Variants in CDK14 observed in about 807,000 individuals in gnomAD.
CDK14 encodes cyclin dependent kinase 14.
In CDK14, 34 loss-of-function variants were observed where a neutral mutation model predicts 60.7. The ratio of observed to expected loss-of-function variants is 0.56; its 90% confidence interval spans 0.43 to 0.75. CDK14 has a LOEUF of 0.75. CDK14 is among the 30% of genes least tolerant of loss of function. The probability of loss-of-function intolerance (pLI) is 0.00; values close to 1 mark genes in which losing one functional copy is unlikely to be tolerated. For missense variants in CDK14, 482 were observed against 564.1 expected, an observed-to-expected ratio of 0.85 and a Z score of 1.47; for synonymous variants, 197 against 203.7, an observed-to-expected ratio of 0.97 and a Z score of 0.28.
At chr7:91,037,988 G>C (rs542863574) in intron 10 of CDK14, among the ~76,000 whole-genome samples, 1 of 152,304 alleles carries the variant, frequency 6.6e-6, no homozygotes, top group East Asian at 1.9e-4. Context: ...CTGGGGTCCT[G>C]CACTGTGCAT....
intron 2 of CDK14, among the ~76,000 whole-genome samples, chr7:90,683,901 T>C (rs758151958): frequency 1.1e-3 from 128 of 120,346 alleles, no homozygotes; most frequent in Non-Finnish European, 1.7e-3. Context: ...AATGTACGTG[T>C]GTGTGTGTGT....
intron 10 of CDK14, among the ~76,000 whole-genome samples, chr7:91,037,707 G>A (rs999723976): frequency 7.9e-5 from 12 of 152,130 alleles, no homozygotes; most frequent in African/African-American, 2.7e-4. Flanking sequence ...ACCTGATATT[G>A]CACACATGAT....
intron 10 of CDK14, among the ~76,000 whole-genome samples, chr7:91,039,369 A>C (rs1797022520): frequency 6.6e-6 from 1 of 152,192 alleles, no homozygotes; most frequent in Non-Finnish European, 1.5e-5. Flanking sequence ...GTCATCACTC[A>C]GTACATTTCT....
intron 9 of CDK14, among the ~76,000 whole-genome samples, chr7:90,983,445 C>T (rs192864141): frequency 3.9e-4 from 60 of 152,078 alleles, no homozygotes; most frequent in Admixed American, 2.6e-3. Context: ...TTTGGGAGGC[C>T]GAGACGGGCG....
chr7:91,194,914 A>C (rs1446204198), intron 14 of CDK14, among the ~76,000 whole-genome samples: 2 of 152,178 alleles, frequency 1.3e-5, no homozygotes, highest in African/African-American at 4.8e-5. Context: ...CCACAAATGA[A>C]CAGTAAAAAA....
At chr7:90,744,579 A>AG (rs1803499861) in intron 3 of CDK14, among the ~76,000 whole-genome samples, 1 of 147,548 alleles carries the variant, frequency 6.8e-6, no homozygotes, top group African/African-American at 2.5e-5. Context: ...ACTTCCCAGT[A>AG]GGGGCGGCCG....
chr7:90,843,886 G>A (rs1438254642), intron 5 of CDK14, among the ~76,000 whole-genome samples: 3 of 152,078 alleles, frequency 2.0e-5, no homozygotes, highest in East Asian at 1.9e-4. Flanking sequence ...ATAATGTAAT[G>A]TAATTTTTAC....
At position 91,112,496 on chromosome 7, in the gene CDK14, G is replaced by T. The variant is rs756174168; in HGVS notation, c.1155-46G>T. The T allele has an allele frequency of 2.8e-5, 44 of 1,570,134 alleles. 1 individual carries two copies. In the South Asian group the frequency reaches 5.0e-4, roughly 18 times the overall value. On this transcript the variant is annotated intron_variant, in intron 12 of 14. Transcript: ENST00000380050. Reference sequence around the variant, plus strand: ...GGTAAGCTTTATGTCTTATTTAGTGGATTTTCTTGTTTGGTCTGACCTCTC... The same window carrying T: ...GGTAAGCTTTATGTCTTATTTAGTGTATTTTCTTGTTTGGTCTGACCTCTC...
At position 90,728,642 on chromosome 7, in the gene CDK14, C is replaced by T. The variant is rs1411137016; in HGVS notation, c.369+1830C>T. On this transcript the variant is annotated intron_variant, in intron 3 of 14. Transcript: ENST00000380050. ...TATTCTCTGAATTATTTCTGGATTTCCTTTGAGTTTCTTGTTTCTGTTTAT... is the reference window on the plus strand; with the variant it reads ...TATTCTCTGAATTATTTCTGGATTTTCTTTGAGTTTCTTGTTTCTGTTTAT... Among the ~76,000 whole-genome samples the T allele has an allele frequency of 3.3e-5, 5 of 151,862 alleles. No homozygotes were observed. The East Asian group carries it at 9.7e-4, about 29-fold the overall frequency.
chr7:91,061,731 A>C (rs1797797981), intron 11 of CDK14, among the ~76,000 whole-genome samples: 1 of 152,194 alleles, frequency 6.6e-6, no homozygotes. Flanking sequence ...GGTGAATAGC[A>C]AATGTTGCTG....
At chr7:90,842,979 A>G (rs3802023) in intron 5 of CDK14, among the ~76,000 whole-genome samples, 107,825 of 152,052 alleles carry the variant, frequency 0.71, 38,456 homozygotes, top group East Asian at 0.89. Flanking sequence ...CACAGTGACA[A>G]TATTTTTCCT....
chr7:91,110,515 G>T (rs1487496314), intron 12 of CDK14, among the ~76,000 whole-genome samples: 1 of 152,070 alleles, frequency 6.6e-6, no homozygotes, highest in Admixed American at 6.6e-5. Flanking sequence ...TTTTTCAATA[G>T]ATGAGAAAAC....
chr7:90,678,068 G>A (rs1173947070), intron 2 of CDK14, among the ~76,000 whole-genome samples: 5 of 152,188 alleles, frequency 3.3e-5, no homozygotes, highest in African/African-American at 1.2e-4. Context: ...AGCAGAACTG[G>A]TCTTGGTTAT....
chr7:90,785,090 C>G (rs1400974050), intron 4 of CDK14, among the ~76,000 whole-genome samples: 8 of 152,164 alleles, frequency 5.3e-5, no homozygotes, highest in Non-Finnish European at 5.9e-5. Flanking sequence ...TATGTCTGCA[C>G]TTGGTATTAT....
intron 4 of CDK14, among the ~76,000 whole-genome samples, chr7:90,759,728 G>C (rs1474769108): frequency 6.6e-6 from 1 of 152,150 alleles, no homozygotes; most frequent in South Asian, 2.1e-4. Context: ...GAATCTAGGG[G>C]GTATGTGAGT....
intron 2 of CDK14, among the ~76,000 whole-genome samples, chr7:90,608,983 A>T (rs1799479984): frequency 6.6e-6 from 1 of 152,174 alleles, no homozygotes; most frequent in African/African-American, 2.4e-5. Context: ...CCTCTTTGTT[A>T]TTTTATATAA....
intron 6 of CDK14, among the ~76,000 whole-genome samples, chr7:90,866,488 A>C (rs1249668359): frequency 6.6e-6 from 1 of 152,156 alleles, no homozygotes; most frequent in Non-Finnish European, 1.5e-5. Flanking sequence ...CCCCATGCCC[A>C]TTAAAACCCT....
intron 11 of CDK14, among the ~76,000 whole-genome samples, chr7:91,056,344 G>A (rs1797556439): frequency 6.6e-6 from 1 of 150,866 alleles, no homozygotes. Context: ...AATATTGGAA[G>A]CACAGAGAAC....
intron 4 of CDK14, among the ~76,000 whole-genome samples, chr7:90,790,333 G>T (rs1805780006): frequency 6.6e-6 from 1 of 152,140 alleles, no homozygotes; most frequent in African/African-American, 2.4e-5. Context: ...AAGGAACACA[G>T]TGAATCACAG....
Sources: allele counts gnomAD v4.1 joint callset (sites outside exome capture counted in the v4.1 genomes callset), GRCh38; gene constraint gnomAD v4.1.1; transcripts MANE v1.5; gene names NCBI Gene and HGNC (gene_info 2026-07-23, HGNC 2026-07-21).